FGFR1: variants seen among roughly 807,000 people sequenced by gnomAD.
FGFR1 encodes FGFR1/PLAG1 fusion.
In FGFR1, 18 loss-of-function variants were observed where a neutral mutation model predicts 93.7. That is an observed-to-expected ratio of 0.19 (90% CI 0.13 to 0.28). The LOEUF (loss-of-function observed/expected upper bound fraction) is 0.28, where lower values mean the gene tolerates loss of function less well. FGFR1 is among the 10% of genes least tolerant of loss of function. The pLI is 1.00. For missense variants in FGFR1, 731 were observed against 1,080.4 expected (o/e 0.68, Z 4.53); for synonymous variants, 448 against 429.3 (o/e 1.04, Z -0.54).
chr8:38,463,203 G>A (rs1378936948), intron 1 of FGFR1: 3 of 167,156 alleles, frequency 1.8e-5, no homozygotes, highest in East Asian at 1.2e-4. Context: ...ACTGTGACCA[G>A]CTGCTCATGT....
intron 2 of FGFR1, among the ~76,000 whole-genome samples, chr8:38,432,385 C>G (rs1303483852): frequency 2.6e-5 from 4 of 151,986 alleles, no homozygotes; most frequent in African/African-American, 9.7e-5. Context: ...TGTCCTATCC[C>G]TTTACCGGAA....
Position 38,426,066 on chromosome 8 carries a change from T to C in FGFR1, c.745+56A>G, listed in dbSNP as rs1374365781. On this transcript the variant is annotated intron_variant, in intron 6 of 17. Coordinates refer to ENST00000447712, the MANE Select transcript of FGFR1 (RefSeq NM_023110.3). This position sits in a 1 kb window ranked among gnomAD's most constrained non-coding sequence, Gnocchi z 4.1. Reference sequence around the variant, plus strand: ...AAACCTGGACACCCCGGCTGTGTTCTCCAAGCCTGGCTCTTCCCACTAAAC... The same window carrying C: ...AAACCTGGACACCCCGGCTGTGTTCCCCAAGCCTGGCTCTTCCCACTAAAC... 7 of 1,612,686 alleles carry C rather than the reference T, an allele frequency of 4.3e-6. No individual in the cohort carries two copies. Among genetic ancestry groups the C allele is most frequent in the Non-Finnish European group, 5.9e-6 (7 of 1,179,686 alleles).
At chr8:38,449,899 G>A (rs565208171) in intron 2 of FGFR1, among the ~76,000 whole-genome samples, 1 of 152,364 alleles carries the variant, frequency 6.6e-6, no homozygotes, top group East Asian at 1.9e-4. Flanking sequence ...AGAAACAGGA[G>A]AAGGGAGGGA....
intron 2 of FGFR1, among the ~76,000 whole-genome samples, chr8:38,436,816 T>A (rs1450918580): frequency 6.6e-6 from 1 of 152,090 alleles, no homozygotes; most frequent in Non-Finnish European, 1.5e-5. Context: ...CCCTACTGAA[T>A]CCCTCTTCCC....
intron 2 of FGFR1, chr8:38,430,821 C>G (rs1004506830): frequency 3.9e-5 from 6 of 152,210 alleles, no homozygotes; most frequent in Non-Finnish European, 8.8e-5. Flanking sequence ...GGTGTCTGCA[C>G]CTCACAAGAT....
chr8:38,423,356 C>G, intron 7 of FGFR1: 1 of 524,298 alleles, frequency 1.9e-6, no homozygotes, highest in African/African-American at 2.1e-5. Flanking sequence ...CTCACTCACT[C>G]TGTCACCCAG....
intron 2 of FGFR1, 79 bp from the exon 3 acceptor site, chr8:38,430,027 A>G: frequency 1.4e-6 from 2 of 1,418,070 alleles, no homozygotes; most frequent in Non-Finnish European, 1.9e-6. Context: ...GGGAGAGACA[A>G]AGGGAATTAC....
intron 13 of FGFR1, among the ~76,000 whole-genome samples, chr8:38,415,127 CTCTGCTGCG>C (rs1349216334): frequency 4.6e-5 from 7 of 152,346 alleles, no homozygotes; most frequent in Non-Finnish European, 7.4e-5. Context: ...CCCCTTATGC[CTCTGCTGCG>C]TCTGCAGCGA....
At chr8:38,432,906 G>T (rs57709857) in intron 2 of FGFR1, among the ~76,000 whole-genome samples, 1 of 42,194 alleles carries the variant, frequency 2.4e-5, no homozygotes, top group Non-Finnish European at 4.9e-5. Context: ...CCTCCCCACC[G>T]CGCCCCCCCC....
chr8:38,455,961 G>A (rs1047649040), intron 2 of FGFR1, among the ~76,000 whole-genome samples: 5 of 152,166 alleles, frequency 3.3e-5, no homozygotes, highest in Non-Finnish European at 5.9e-5. Context: ...GGTCCCCACC[G>A]TGCTCCAGCT....
chr8:38,424,617 C>T lies in FGFR1; in HGVS notation c.828G>A (p.Met276Ile), dbSNP rs2150821144. The T allele has an allele frequency of 6.2e-7, 1 of 1,614,222 alleles. No individual in the cohort carries two copies. Among genetic ancestry groups the T allele is most frequent in the Non-Finnish European group, 8.5e-7 (1 of 1,180,014 alleles). ...GCTGCGGGTCACTGTACACCTTACA[C>T]ATGAACTCCACGTTGCTACCCAGGG... is the stretch of plus-strand genomic sequence containing the variant. ...TVALGSNVEF[M>I]CKVYSDPQPH... Residue 276 changes from methionine to isoleucine, a missense_variant, in exon 7 of 18, where the codon ATG (methionine) becomes ATA (isoleucine). This residue lies in a region of FGFR1 where 109 missense variants were observed against 249.4 expected (regional missense o/e 0.44). Coordinates refer to ENST00000447712, the MANE Select transcript of FGFR1 (RefSeq NM_023110.3). This position sits in a 1 kb window ranked among gnomAD's most constrained non-coding sequence, Gnocchi z 4.3.
chr8:38,441,169 G>C (rs1452574772), intron 2 of FGFR1, among the ~76,000 whole-genome samples: 2 of 152,084 alleles, frequency 1.3e-5, no homozygotes, highest in Non-Finnish European at 2.9e-5. Context: ...GTTGTGTGTG[G>C]ATCTTAAAAG....
At chr8:38,428,306 C>A (rs1586348777) in intron 4 of FGFR1, 40 bp downstream of exon 4, 5 of 1,601,504 alleles carry the variant, frequency 3.1e-6, no homozygotes, top group Non-Finnish European at 3.4e-6. Flanking sequence ...AACCCAATGC[C>A]CAGACCCAAA....
At chr8:38,445,238 T>C (rs1169771325) in intron 2 of FGFR1, among the ~76,000 whole-genome samples, 1 of 152,140 alleles carries the variant, frequency 6.6e-6, no homozygotes, top group Non-Finnish European at 1.5e-5. Flanking sequence ...AAAAAACGAT[T>C]CTGTGTTGGT....
intron 3 of FGFR1, chr8:38,428,743 C>A: frequency 2.3e-6 from 1 of 428,426 alleles, no homozygotes; most frequent in Non-Finnish European, 4.4e-6. Flanking sequence ...ACTTGTGGTG[C>A]CACCTGGGTG....
chr8:38,457,731 A>G (rs1833255133), intron 1 of FGFR1, among the ~76,000 whole-genome samples, 197 bp from the exon 2 acceptor site: 1 of 152,186 alleles, frequency 6.6e-6, no homozygotes, highest in African/African-American at 2.4e-5. Context: ...GCACCCTGTA[A>G]TCCCAGCACT....
chr8:38,416,066 G>C lies in FGFR1; in HGVS notation c.1664-6C>G. ...CACGATGACATACAAGGGACCTGCA[G>C]GCACAGGAGAAGAGGCCATGGGGCC... On this transcript the variant is annotated splice_region_variant and splice_polypyrimidine_tract_variant and intron_variant, in intron 12 of 17. Transcript: ENST00000447712. 6.2e-7 allele frequency: 1 copy of C among 1,608,940 alleles called. No homozygotes were observed. The highest frequency in any genetic ancestry group is 8.5e-7 in the Non-Finnish European group (1 of 1,178,914).
rs1384291939 is a variant in FGFR1 at position 38,411,256 on chromosome 8, T to C, written c.*2372A>G. On this transcript the variant is annotated 3_prime_UTR_variant, in exon 18 of 18. Coordinates refer to ENST00000447712, the MANE Select transcript of FGFR1 (RefSeq NM_023110.3). Reference sequence around the variant, plus strand: ...TAATTATGATAGTGCCTTATATTTTTCTAGCACCTCTCCCAAGGACTTATG... The same window carrying C: ...TAATTATGATAGTGCCTTATATTTTCCTAGCACCTCTCCCAAGGACTTATG... The C allele has an allele frequency of 3.3e-5, 7 of 209,040 alleles. No homozygotes were observed. The highest frequency in any genetic ancestry group is 7.2e-5 in the East Asian group (1 of 13,810). 12.9% of individuals were successfully genotyped at this position (209,040 alleles called of 1,614,324 possible). A position where few individuals can be genotyped will look rare whatever the true frequency, so the allele number is the denominator to read the frequency against.
intron 1 of FGFR1, chr8:38,458,777 T>C (rs1833614527): frequency 4.5e-6 from 1 of 220,498 alleles, no homozygotes; most frequent in South Asian, 1.8e-4. Flanking sequence ...TCTCTAAAAT[T>C]GTACGAATCA....
Sources: allele counts gnomAD v4.1 joint callset (sites outside exome capture counted in the v4.1 genomes callset), GRCh38; gene constraint gnomAD v4.1.1; regional missense constraint gnomAD v4.1.1; non-coding constraint Gnocchi (gnomAD v3.1); transcripts MANE v1.5; gene names NCBI Gene and HGNC (gene_info 2026-07-23, HGNC 2026-07-21).